The following GRK4 variants were observed in gnomAD, a reference collection of about 807,000 sequenced individuals.
The protein encoded by GRK4 is G protein-coupled receptor kinase 4.
GRK4 carries 73 observed loss-of-function variants against 77.9 expected under a neutral mutation model. That is an observed-to-expected ratio of 0.94 (90% CI 0.78 to 1.14). GRK4 has a LOEUF of 1.14. Ranked by LOEUF, GRK4 falls within the 50% of genes most tolerant of loss-of-function variation. GRK4 has a pLI of 0.00. For synonymous variants in GRK4, 257 were observed against 254.4 expected (o/e 1.01, Z -0.10); for missense variants, 729 against 700.2 (o/e 1.04, Z -0.46).
chr4:3,018,068 CTTTTTCT>C (rs921833776), intron 8 of GRK4, among the ~76,000 whole-genome samples: 2 of 148,774 alleles, frequency 1.3e-5, no homozygotes, highest in African/African-American at 5.0e-5. Context: ...TTTTCTTTTT[CTTTTTCT>C]TTTTTTTTTT....
At chr4:3,000,349 A>T (rs1560419897) in intron 4 of GRK4, among the ~76,000 whole-genome samples, 1 of 152,214 alleles carries the variant, frequency 6.6e-6, no homozygotes, top group Non-Finnish European at 1.5e-5. Flanking sequence ...ATTTGGTGTT[A>T]ATCATTAAAC....
intron 7 of GRK4, among the ~76,000 whole-genome samples, chr4:3,009,956 T>TG (rs1448461485): frequency 6.6e-6 from 1 of 152,238 alleles, no homozygotes; most frequent in Non-Finnish European, 1.5e-5. Flanking sequence ...TTTCCATGCT[T>TG]GATGCCCCAG....
At chr4:2,990,617 A>G (rs1344131446) in intron 3 of GRK4, among the ~76,000 whole-genome samples, 1 of 152,054 alleles carries the variant, frequency 6.6e-6, no homozygotes, top group Non-Finnish European at 1.5e-5. Flanking sequence ...AGTTTGGGGG[A>G]TGGAACCCTG....
At chr4:2,994,691 G>A (rs1159282058) in intron 4 of GRK4, among the ~76,000 whole-genome samples, 1 of 152,186 alleles carries the variant, frequency 6.6e-6, no homozygotes, top group African/African-American at 2.4e-5. Flanking sequence ...GAGGAGGGAA[G>A]GGGAGGTTAT....
intron 14 of GRK4, 77 bp from the exon 15 acceptor site, chr4:3,038,299 G>A (rs1178102771): frequency 1.3e-6 from 2 of 1,576,656 alleles, no homozygotes; most frequent in Admixed American, 1.7e-5. Context: ...CTGGGCAGGA[G>A]CTGCTGGCAC....
At chr4:2,974,453 A>G (rs528494522) in intron 1 of GRK4, among the ~76,000 whole-genome samples, 2 of 152,194 alleles carry the variant, frequency 1.3e-5, no homozygotes, top group African/African-American at 2.4e-5. Context: ...TCTTTATACT[A>G]TCTCAACGAC....
chr4:3,024,158 C>T (rs1736787697), intron 10 of GRK4, among the ~76,000 whole-genome samples: 1 of 152,196 alleles, frequency 6.6e-6, no homozygotes, highest in Non-Finnish European at 1.5e-5. Context: ...GAAAGGCACT[C>T]CCGGGTGGGA....
intron 10 of GRK4, among the ~76,000 whole-genome samples, chr4:3,026,756 G>A (rs2110030522): frequency 6.6e-6 from 1 of 152,360 alleles, no homozygotes; most frequent in African/African-American, 2.4e-5. Context: ...GGGGTGTGGT[G>A]TATCACGTGC....
In GRK4 at chr4:2,984,493, C is replaced by A; in HGVS notation, c.53-20C>A. ...ATTTCTGACTGTTAAAGGAAATTGC[C>A]TTTTTTCTCCCAAATTCAGGAGGAT... is the stretch of plus-strand genomic sequence containing the variant. On this transcript the variant is annotated intron_variant, in intron 1 of 15. Transcript: ENST00000398052. 1.3e-6 allele frequency: 2 copies of A among 1,500,214 alleles called. No individual in the cohort carries two copies. Among genetic ancestry groups the A allele is most frequent in the African/African-American group, 1.4e-5 (1 of 72,752 alleles). 92.9% of individuals were successfully genotyped at this position (1,500,214 alleles called of 1,614,324 possible). A position where few individuals can be genotyped will look rare whatever the true frequency, so the allele number is the denominator to read the frequency against.
At chr4:3,009,954 C>T (rs564605822) in intron 7 of GRK4, among the ~76,000 whole-genome samples, 5 of 152,302 alleles carry the variant, frequency 3.3e-5, no homozygotes, top group African/African-American at 1.2e-4. Context: ...GGTTTCCATG[C>T]TTGATGCCCC....
intron 12 of GRK4, among the ~76,000 whole-genome samples, chr4:3,033,257 G>A (rs1006964340): frequency 2.6e-5 from 4 of 152,128 alleles, no homozygotes; most frequent in African/African-American, 9.7e-5. Flanking sequence ...AAGAAAGAAA[G>A]ATGGAGCCTT....
At chr4:2,993,012 A>G (rs1578111381) in intron 4 of GRK4, among the ~76,000 whole-genome samples, 2 of 152,122 alleles carry the variant, frequency 1.3e-5, no homozygotes, top group African/African-American at 2.4e-5. Flanking sequence ...CAATTAATTA[A>G]TCTTTAAAAA....
At chr4:2,976,634 T>TC (rs1348805334) in intron 1 of GRK4, among the ~76,000 whole-genome samples, 7 of 143,198 alleles carry the variant, frequency 4.9e-5, no homozygotes, top group East Asian at 4.0e-4. Flanking sequence ...TTTCTTTCTT[T>TC]TTTTTTTTTT....
chr4:3,034,677 C>A (rs1049149955), intron 12 of GRK4, among the ~76,000 whole-genome samples: 1 of 152,144 alleles, frequency 6.6e-6, no homozygotes, highest in African/African-American at 2.4e-5. Context: ...TAAGAATATA[C>A]TAGAATACCA....
intron 1 of GRK4, among the ~76,000 whole-genome samples, chr4:2,973,277 C>T (rs573747259): frequency 2.6e-4 from 39 of 152,312 alleles, no homozygotes; most frequent in African/African-American, 8.7e-4. Context: ...CCCCCCTTAT[C>T]TTCTAGATCT....
At chr4:2,964,273 A>C in intron 1 of GRK4, 151 bp downstream of exon 1, 1 of 734,078 alleles carries the variant, frequency 1.4e-6, no homozygotes, top group Non-Finnish European at 2.2e-6. Context: ...CCAGATCTGC[A>C]CGGAGCCGGA....
chr4:3,000,800 C>T (rs949778145), intron 4 of GRK4, among the ~76,000 whole-genome samples: 5 of 152,076 alleles, frequency 3.3e-5, no homozygotes, highest in East Asian at 1.9e-4. Context: ...GATCTCTTGA[C>T]CTCGTGATCT....
Position 3,036,394 on chromosome 4 carries a change from G to A in GRK4, c.1407+871G>A, listed in dbSNP as rs142117308. Among the ~76,000 whole-genome samples, 773 of 152,376 alleles carry A rather than the reference G, an allele frequency of 5.1e-3. 4 individuals are homozygous for A. Among genetic ancestry groups the A allele is most frequent in the Non-Finnish European group, 8.1e-3 (551 of 68,044 alleles). On this transcript the variant is annotated intron_variant, in intron 13 of 15. Transcript: ENST00000398052. Reference sequence around the variant, plus strand: ...CTCCCCACCTTGAGGGTATGAATGAGTGAAGAGCAGCTACTCTAACAGCTG... The same window carrying A: ...CTCCCCACCTTGAGGGTATGAATGAATGAAGAGCAGCTACTCTAACAGCTG...
chr4:3,037,621 A>C, intron 14 of GRK4, 110 bp downstream of exon 14: 1 of 1,296,806 alleles, frequency 7.7e-7, no homozygotes. Flanking sequence ...TTGGGAGATA[A>C]AATTATATAA....
Sources: gnomAD v4.1 joint callset for allele counts (sites outside exome capture counted in the v4.1 genomes callset) on GRCh38, gnomAD v4.1.1 for gene constraint, MANE v1.5 for transcripts, NCBI Gene and HGNC (gene_info 2026-07-23, HGNC 2026-07-21) for gene names.